CNGA3: variants seen among roughly 807,000 people sequenced by gnomAD.
CNGA3 encodes cyclic nucleotide gated channel subunit alpha 3.
In CNGA3, 42 loss-of-function variants were observed where a neutral mutation model predicts 46.6. The observed-to-expected ratio is 0.90, with a 90% confidence interval of 0.70 to 1.17. The LOEUF is 1.17. Among genes scored for constraint, CNGA3 ranks in the 50% most tolerant of loss-of-function variants. The pLI is 0.00. For missense variants in CNGA3, 893 were observed against 890.7 expected (o/e 1.00, Z -0.03); for synonymous variants, 394 against 369.4 (o/e 1.07, Z -0.76).
At chr2:98,382,558 G>A (rs1406743077) in intron 4 of CNGA3, among the ~76,000 whole-genome samples, 1 of 152,238 alleles carries the variant, frequency 6.6e-6, no homozygotes, top group East Asian at 1.9e-4. Flanking sequence ...AGGTGGGGGT[G>A]TCGCCTGCCT....
chr2:98,379,251 G>A (rs945179789), intron 3 of CNGA3, among the ~76,000 whole-genome samples: 1 of 152,260 alleles, frequency 6.6e-6, no homozygotes, highest in Admixed American at 6.5e-5. Context: ...AAGGTCATAA[G>A]TGTGTGATTA....
At chr2:98,372,206 G>A (rs1396380102) in intron 2 of CNGA3, among the ~76,000 whole-genome samples, 1 of 152,248 alleles carries the variant, frequency 6.6e-6, no homozygotes, top group African/African-American at 2.4e-5. Flanking sequence ...GACTCACCCT[G>A]GTTCTGCTTT....
intron 1 of CNGA3, among the ~76,000 whole-genome samples, chr2:98,364,214 C>A (rs1395308061): frequency 6.6e-6 from 1 of 152,014 alleles, no homozygotes; most frequent in African/African-American, 2.4e-5. Flanking sequence ...CTCATCTCTA[C>A]TAAAAATACA....
intron 6 of CNGA3, among the ~76,000 whole-genome samples, chr2:98,390,395 C>T (rs564893762): frequency 6.6e-6 from 1 of 152,122 alleles, no homozygotes; most frequent in South Asian, 2.1e-4. Flanking sequence ...ATGATCTGCC[C>T]ACCTTGGCCT....
intron 1 of CNGA3, among the ~76,000 whole-genome samples, chr2:98,361,602 C>T (rs914955133): frequency 4.6e-5 from 7 of 152,098 alleles, no homozygotes; most frequent in African/African-American, 1.7e-4. Context: ...TGAGGAATTG[C>T]CACACTGTCT....
intron 1 of CNGA3, among the ~76,000 whole-genome samples, chr2:98,362,266 G>A (rs1434587964): frequency 7.5e-6 from 1 of 133,670 alleles, no homozygotes; most frequent in Admixed American, 8.9e-5. Context: ...TGCAACCTCT[G>A]CCTCCCGGGT....
intron 2 of CNGA3, chr2:98,377,259 C>T (rs896841382): frequency 2.6e-4 from 51 of 199,030 alleles, no homozygotes; most frequent in African/African-American, 1.1e-3. Context: ...AGAAAGACCC[C>T]TAAGGAGCGG....
chr2:98,376,708 T>C (rs1460402704), intron 2 of CNGA3, among the ~76,000 whole-genome samples: 2 of 152,168 alleles, frequency 1.3e-5, no homozygotes, highest in Non-Finnish European at 2.9e-5. Flanking sequence ...AGAAGGCTAA[T>C]TGGGTTGGAA....
intron 4 of CNGA3, among the ~76,000 whole-genome samples, chr2:98,382,242 C>A (rs992651728): frequency 3.3e-5 from 5 of 152,186 alleles, no homozygotes; most frequent in Non-Finnish European, 7.3e-5. Flanking sequence ...CACTGCAAAG[C>A]CAAGTATATA....
intron 2 of CNGA3, 120 bp from the exon 3 acceptor site, chr2:98,377,567 A>G: frequency 2.2e-6 from 2 of 908,454 alleles, no homozygotes; most frequent in Non-Finnish European, 3.5e-6. Flanking sequence ...CCCTGGGATG[A>G]GGATCTGTGA....
chr2:98,389,823 C>T, intron 6 of CNGA3, 49 bp downstream of exon 6: 2 of 1,490,838 alleles, frequency 1.3e-6, no homozygotes, highest in African/African-American at 1.4e-5. Context: ...AACCAGGGCA[C>T]CAGGCCCAGG....
At chr2:98,371,125 A>G (rs1172433684) in intron 2 of CNGA3, among the ~76,000 whole-genome samples, 1 of 152,142 alleles carries the variant, frequency 6.6e-6, no homozygotes, top group Non-Finnish European at 1.5e-5. Flanking sequence ...GCACCCAGCC[A>G]TGTTTGTTAA....
intron 6 of CNGA3, among the ~76,000 whole-genome samples, chr2:98,390,365 T>C (rs946094559): frequency 6.6e-6 from 1 of 151,884 alleles, no homozygotes; most frequent in African/African-American, 2.4e-5. Context: ...GCTAGGCTGG[T>C]CTTGAACTCC....
chr2:98,354,572 C>G (rs954793830), intron 1 of CNGA3, among the ~76,000 whole-genome samples: 1 of 152,106 alleles, frequency 6.6e-6, no homozygotes, highest in African/African-American at 2.4e-5. Context: ...ATCGCTTGAG[C>G]CTAGGAGTTT....
chr2:98,354,143 A>G (rs1211281240), intron 1 of CNGA3, among the ~76,000 whole-genome samples: 1 of 152,196 alleles, frequency 6.6e-6, no homozygotes, highest in East Asian at 1.9e-4. Flanking sequence ...AGTAGTACCT[A>G]ATACAGTGTA....
At chr2:98,366,666 G>A (rs1444865441) in intron 1 of CNGA3, among the ~76,000 whole-genome samples, 2 of 152,202 alleles carry the variant, frequency 1.3e-5, no homozygotes, top group Non-Finnish European at 2.9e-5. Flanking sequence ...GTCTGGCCAC[G>A]ATCTGCCACA....
chr2:98,348,515 G>T (rs75663144), intron 1 of CNGA3, among the ~76,000 whole-genome samples: 4 of 152,126 alleles, frequency 2.6e-5, no homozygotes, highest in Non-Finnish European at 5.9e-5. Context: ...GGAGTGGGGC[G>T]GGGACGGCAG....
At chr2:98,383,127 T>A (rs905809824) in intron 4 of CNGA3, among the ~76,000 whole-genome samples, 3 of 151,700 alleles carry the variant, frequency 2.0e-5, no homozygotes, top group African/African-American at 7.3e-5. Flanking sequence ...CTGGAAGGAG[T>A]CAAACGGCTG....
chr2:98,374,010 G>C (rs1028582870), intron 2 of CNGA3, among the ~76,000 whole-genome samples: 1 of 152,216 alleles, frequency 6.6e-6, no homozygotes, highest in African/African-American at 2.4e-5. Context: ...ATAGCAGTGG[G>C]TTCCAATCAT....
Sources: gnomAD v4.1 joint callset for allele counts (sites outside exome capture counted in the v4.1 genomes callset) on GRCh38, gnomAD v4.1.1 for gene constraint, MANE v1.5 for transcripts, NCBI Gene and HGNC (gene_info 2026-07-23, HGNC 2026-07-21) for gene names.